The following LRRC4C variants were observed in gnomAD, a reference collection of about 807,000 sequenced individuals.
LRRC4C encodes the protein leucine rich repeat containing 4C.
A neutral mutation model predicts 33.6 loss-of-function variants in LRRC4C; 5 were observed. The ratio of observed to expected loss-of-function variants is 0.15; its 90% CI spans 0.08 to 0.31. LRRC4C has a LOEUF of 0.31. Among genes scored for constraint, LRRC4C ranks in the 10% least tolerant of loss-of-function variants. LRRC4C has a pLI of 1.00. For missense variants in LRRC4C, 560 were observed against 796.7 expected, an observed-to-expected ratio of 0.70 and a Z score of 3.58; for synonymous variants, 329 against 302.0, an observed-to-expected ratio of 1.09 and a Z score of -0.93.
chr11:41,201,921 A>AACAC, intron 1 of LRRC4C, among the ~76,000 whole-genome samples: 1 of 150,748 alleles, frequency 6.6e-6, no homozygotes, highest in African/African-American at 2.4e-5. Flanking sequence ...CACACACACA[A>AACAC]ACACACACAC....
intron 2 of LRRC4C, among the ~76,000 whole-genome samples, chr11:40,691,352 C>G (rs897151939): frequency 2.0e-5 from 3 of 151,998 alleles, no homozygotes; most frequent in African/African-American, 7.2e-5. Flanking sequence ...AAGCTTTTCT[C>G]TCTCCCAAGT....
chr11:40,769,840 A>C (rs955769738), intron 2 of LRRC4C, among the ~76,000 whole-genome samples: 14 of 152,324 alleles, frequency 9.2e-5, no homozygotes, highest in Admixed American at 5.9e-4. Flanking sequence ...AACATGGATT[A>C]AAGACTTAAA....
At chr11:40,395,946 C>T (rs1040625871) in intron 3 of LRRC4C, among the ~76,000 whole-genome samples, 1 of 151,990 alleles carries the variant, frequency 6.6e-6, no homozygotes, top group Admixed American at 6.6e-5. Flanking sequence ...GAGATCACAC[C>T]ACTGCACTCC....
At chr11:41,118,029 A>G (rs887047493) in intron 1 of LRRC4C, among the ~76,000 whole-genome samples, 38 of 152,192 alleles carry the variant, frequency 2.5e-4, no homozygotes, top group Admixed American at 1.8e-3. Flanking sequence ...ATAATTCTAA[A>G]AATTACTACC....
chr11:40,179,161 T>A (rs995749579), intron 5 of LRRC4C, among the ~76,000 whole-genome samples: 1 of 151,810 alleles, frequency 6.6e-6, no homozygotes, highest in Non-Finnish European at 1.5e-5. Flanking sequence ...TGTGCCACCA[T>A]GATTGGATTT....
At chr11:40,173,838 G>A (rs1041171392) in intron 5 of LRRC4C, among the ~76,000 whole-genome samples, 11 of 152,134 alleles carry the variant, frequency 7.2e-5, no homozygotes, top group African/African-American at 2.4e-4. Flanking sequence ...TTGATTGCAG[G>A]TATTTCTAAA....
chr11:41,204,889 A>G (rs1946536553), intron 1 of LRRC4C, among the ~76,000 whole-genome samples: 1 of 152,198 alleles, frequency 6.6e-6, no homozygotes, highest in Admixed American at 6.5e-5. Flanking sequence ...AAGGTTTGAC[A>G]TGTATTAAAG....
rs549768645 is a variant in LRRC4C, at chr11:41,027,735, A to G, written c.-495-94012T>C. Among the ~76,000 whole-genome samples the G allele has an allele frequency of 2.6e-5, 4 of 151,794 alleles. No individual in the cohort carries two copies. The East Asian group carries it at 5.8e-4, about 22-fold the overall frequency. Reference sequence around the variant, plus strand: ...AGAGTAATAGAATATTGATAACCCAATGTGAATATTGTTGAGGGCCATGGA... The same window carrying G: ...AGAGTAATAGAATATTGATAACCCAGTGTGAATATTGTTGAGGGCCATGGA... On this transcript the variant is annotated intron_variant, in intron 1 of 6. Transcript: ENST00000528697.
At chr11:41,406,923 T>A (rs1213710649) in intron 1 of LRRC4C, among the ~76,000 whole-genome samples, 2 of 152,174 alleles carry the variant, frequency 1.3e-5, no homozygotes, top group Non-Finnish European at 2.9e-5. Context: ...CTTCAAATGT[T>A]AGTTTTTTGG....
intron 1 of LRRC4C, among the ~76,000 whole-genome samples, chr11:41,151,066 G>GT (rs202112396): frequency 4.5e-4 from 67 of 150,514 alleles, no homozygotes; most frequent in African/African-American, 3.9e-4. Flanking sequence ...CAACTTCGCA[G>GT]TTTTTTTTTC....
intron 5 of LRRC4C, among the ~76,000 whole-genome samples, chr11:40,146,891 A>G (rs1857777689): frequency 6.6e-6 from 1 of 152,158 alleles, no homozygotes; most frequent in Non-Finnish European, 1.5e-5. Flanking sequence ...GACATTGGGT[A>G]TAGCGCTTTC....
chr11:40,560,268 T>C, intron 3 of LRRC4C, among the ~76,000 whole-genome samples: 1 of 113,642 alleles, frequency 8.8e-6, no homozygotes, highest in South Asian at 2.9e-4. Flanking sequence ...ACAAGATTTG[T>C]ACAAGATGCT....
intron 1 of LRRC4C, among the ~76,000 whole-genome samples, chr11:41,303,251 C>T (rs1441368435): frequency 6.8e-6 from 1 of 148,022 alleles, no homozygotes; most frequent in Non-Finnish European, 1.5e-5. Context: ...GCACGCGCCG[C>T]CACGCCTGAC....
At chr11:40,620,505 C>A (rs185743527) in intron 3 of LRRC4C, among the ~76,000 whole-genome samples, 1 of 151,728 alleles carries the variant, frequency 6.6e-6, no homozygotes, top group Non-Finnish European at 1.5e-5. Context: ...TGGTATTATA[C>A]TGGGATAATT....
intron 3 of LRRC4C, among the ~76,000 whole-genome samples, chr11:40,321,558 G>C (rs1180370329): frequency 1.3e-5 from 2 of 152,172 alleles, no homozygotes; most frequent in African/African-American, 2.4e-5. Context: ...GTTTAACCCA[G>C]AAAGAGATAA....
chr11:41,036,900 T>C (rs185454431), intron 1 of LRRC4C, among the ~76,000 whole-genome samples: 17 of 152,326 alleles, frequency 1.1e-4, no homozygotes, highest in African/African-American at 4.1e-4. Context: ...AAGAATTCAA[T>C]TGCACATTTA....
intron 5 of LRRC4C, among the ~76,000 whole-genome samples, chr11:40,195,383 A>C (rs1280973968): frequency 6.6e-6 from 1 of 152,166 alleles, no homozygotes; most frequent in Non-Finnish European, 1.5e-5. Context: ...TTGAAACTGA[A>C]AGCTATGAAT....
chr11:40,307,559 G>C (rs546924465), intron 4 of LRRC4C, among the ~76,000 whole-genome samples: 1 of 152,078 alleles, frequency 6.6e-6, no homozygotes, highest in Non-Finnish European at 1.5e-5. Context: ...TGTCATTTTT[G>C]TTCAATCACG....
chr11:41,219,014 G>T (rs1040838208), intron 1 of LRRC4C, among the ~76,000 whole-genome samples: 1 of 151,660 alleles, frequency 6.6e-6, no homozygotes, highest in Non-Finnish European at 1.5e-5. Flanking sequence ...CTCATGATCC[G>T]CCCACCTCGG....
Sources: gnomAD v4.1 joint callset for allele counts (sites outside exome capture counted in the v4.1 genomes callset) on GRCh38, gnomAD v4.1.1 for gene constraint, MANE v1.5 for transcripts, NCBI Gene and HGNC (gene_info 2026-07-23, HGNC 2026-07-21) for gene names.